The following ATL1 variants were observed in gnomAD, a reference collection of about 807,000 sequenced individuals.
ATL1 encodes the protein atlastin-1.
A neutral mutation model predicts 75.5 loss-of-function variants in ATL1; 31 were observed. That is an observed-to-expected ratio of 0.41 (90% confidence interval 0.31 to 0.55). The LOEUF is 0.55. Ranked by LOEUF, ATL1 falls within the 20% of genes least tolerant of loss-of-function variation. The probability of loss-of-function intolerance (pLI) is 0.27; values close to 1 mark genes in which losing one functional copy is unlikely to be tolerated. For missense variants in ATL1, 405 were observed against 662.6 expected, an observed-to-expected ratio of 0.61 and a Z score of 4.27; for synonymous variants, 226 against 233.3, an observed-to-expected ratio of 0.97 and a Z score of 0.28.
intron 1 of ATL1, among the ~76,000 whole-genome samples, chr14:50,584,421 T>C (rs2039082969): frequency 6.6e-6 from 1 of 150,966 alleles, no homozygotes; most frequent in Admixed American, 6.6e-5. Context: ...ATGTGACTAT[T>C]GGCCGGGCGC....
At chr14:50,598,756 C>T (rs1013357127) in intron 6 of ATL1, among the ~76,000 whole-genome samples, 2 of 152,148 alleles carry the variant, frequency 1.3e-5, no homozygotes, top group African/African-American at 4.8e-5. Context: ...TACACAGATA[C>T]AAGAGCAAAG....
chr14:50,598,744 C>T (rs2039244872), intron 6 of ATL1, among the ~76,000 whole-genome samples: 1 of 152,102 alleles, frequency 6.6e-6, no homozygotes, highest in African/African-American at 2.4e-5. Flanking sequence ...ATGGTGAGGT[C>T]CTACACAGAT....
intron 1 of ATL1, among the ~76,000 whole-genome samples, chr14:50,551,899 A>G (rs756541441): frequency 1.3e-5 from 2 of 152,208 alleles, no homozygotes; most frequent in South Asian, 2.1e-4. Context: ...ACCAACAGGC[A>G]ACACAATACC....
intron 6 of ATL1, among the ~76,000 whole-genome samples, chr14:50,607,295 C>G (rs2039324345): frequency 6.6e-6 from 1 of 152,010 alleles, no homozygotes; most frequent in African/African-American, 2.4e-5. Context: ...CAAAGCTAAA[C>G]TTATTGCTTA....
intron 10 of ATL1, among the ~76,000 whole-genome samples, chr14:50,622,721 C>A (rs993466861): frequency 2.0e-5 from 3 of 151,800 alleles, no homozygotes; most frequent in African/African-American, 7.3e-5. Context: ...AAGGGAGAAA[C>A]TAGTTCCCTT....
chr14:50,585,867 A>G (rs2039096571), intron 1 of ATL1, among the ~76,000 whole-genome samples: 1 of 152,250 alleles, frequency 6.6e-6, no homozygotes. Flanking sequence ...CTTTGCAGAG[A>G]GAACAACTCT....
At chr14:50,565,307 A>G (rs1016940929) in intron 1 of ATL1, among the ~76,000 whole-genome samples, 55 of 151,654 alleles carry the variant, frequency 3.6e-4, no homozygotes, top group African/African-American at 1.3e-3. Context: ...ATAAATAAAT[A>G]AAAAACAAAC....
chr14:50,589,011 T>C (rs1407879843), intron 2 of ATL1, among the ~76,000 whole-genome samples: 1 of 152,160 alleles, frequency 6.6e-6, no homozygotes, highest in Non-Finnish European at 1.5e-5. Flanking sequence ...GGCACTATGG[T>C]GGATACCAAA....
intron 1 of ATL1, among the ~76,000 whole-genome samples, chr14:50,551,723 T>C (rs140506151): frequency 1.4e-4 from 22 of 152,256 alleles, no homozygotes; most frequent in African/African-American, 5.1e-4. Flanking sequence ...GTTTAACATA[T>C]GCAAATCAAT....
In ATL1 at chr14:50,548,578, C is replaced by T. The variant is rs569312553; in HGVS notation, c.-139-11549C>T. ...AGGCTGGAGTGCAGTGGCGTGATCT[C>T]GGGTCACTGCAAGCTCCACCTCCCA... On this transcript the variant is annotated intron_variant, in intron 1 of 13. Transcript: ENST00000441560. 2.8e-3 allele frequency among the ~76,000 whole-genome samples: 420 copies of T among 152,132 alleles called. 2 individuals are homozygous for T. The highest frequency in any genetic ancestry group is 4.9e-3 in the Non-Finnish European group (334 of 67,982).
intron 1 of ATL1, among the ~76,000 whole-genome samples, chr14:50,554,054 T>G (rs987896072): frequency 6.6e-6 from 1 of 151,940 alleles, no homozygotes; most frequent in Non-Finnish European, 1.5e-5. Flanking sequence ...ACTAAAGAAC[T>G]TATTAATGTA....
intron 9 of ATL1, among the ~76,000 whole-genome samples, chr14:50,621,190 A>G (rs1449696062): frequency 6.6e-6 from 1 of 152,200 alleles, no homozygotes; most frequent in Admixed American, 6.5e-5. Context: ...TTACCTGTTT[A>G]CCTTCCTTAG....
chr14:50,602,278 T>C (rs2039278363), intron 6 of ATL1, among the ~76,000 whole-genome samples: 1 of 152,182 alleles, frequency 6.6e-6, no homozygotes, highest in Non-Finnish European at 1.5e-5. Flanking sequence ...GTCACTCTTG[T>C]CCTCTCAGTT....
chr14:50,593,914 C>CT lies in ATL1; in HGVS notation c.573+24dup, dbSNP rs758786889. On this transcript the variant is annotated intron_variant, in intron 5 of 13. Transcript: ENST00000358385. ...ACCTCCAGGTAACAATATTTATTTT[C>CT]TTTTTTGTGTATCTGGTAGTCTTTG... The CT allele has an allele frequency of 5.0e-6, 8 of 1,588,532 alleles. No homozygotes were observed. Among genetic ancestry groups the CT allele is most frequent in the Admixed American group, 1.7e-5 (1 of 59,900 alleles).
intron 6 of ATL1, among the ~76,000 whole-genome samples, chr14:50,601,329 G>A (rs768372935): frequency 7.9e-5 from 12 of 152,048 alleles, no homozygotes; most frequent in South Asian, 2.1e-4. Flanking sequence ...AAATATGTTC[G>A]TGTATTTAAA....
intron 1 of ATL1, among the ~76,000 whole-genome samples, chr14:50,562,601 A>G (rs2038860931): frequency 6.6e-6 from 1 of 152,228 alleles, no homozygotes; most frequent in African/African-American, 2.4e-5. Context: ...TGATAGAAAC[A>G]TCTCAGATAG....
chr14:50,566,243 C>A (rs1033599116), intron 1 of ATL1, among the ~76,000 whole-genome samples: 2 of 56,688 alleles, frequency 3.5e-5, no homozygotes, highest in Non-Finnish European at 6.1e-5. Context: ...GGTGATCCAC[C>A]CACCTCAGCC....
At chr14:50,602,308 G>A (rs1433240761) in intron 6 of ATL1, among the ~76,000 whole-genome samples, 1 of 152,152 alleles carries the variant, frequency 6.6e-6, no homozygotes, top group African/African-American at 2.4e-5. Context: ...TGTGGTGGTG[G>A]AGAGGGTTTC....
chr14:50,630,223 CA>C (rs2140241178), intron 13 of ATL1, among the ~76,000 whole-genome samples: 1 of 152,268 alleles, frequency 6.6e-6, no homozygotes, highest in East Asian at 1.9e-4. Context: ...TACACACACA[CA>C]AAAACTAAGA....
Sources: gnomAD v4.1 joint callset for allele counts (sites outside exome capture counted in the v4.1 genomes callset) on GRCh38, gnomAD v4.1.1 for gene constraint, MANE v1.5 for transcripts, NCBI Gene and HGNC (gene_info 2026-07-23, HGNC 2026-07-21) for gene names.